Variants in PGM5 observed in about 807,000 individuals in gnomAD.
The protein encoded by PGM5 is phosphoglucomutase-like protein 5.
A neutral mutation model predicts 59.2 loss-of-function variants in PGM5; 23 were observed. That is an observed-to-expected ratio of 0.39 (90% CI 0.28 to 0.55). The LOEUF (loss-of-function observed/expected upper bound fraction) is 0.55, where lower values mean the gene tolerates loss of function less well. Among genes scored for constraint, PGM5 ranks in the 20% least tolerant of loss-of-function variants. The probability of loss-of-function intolerance (pLI) is 0.66; values close to 1 mark genes in which losing one functional copy is unlikely to be tolerated. For synonymous variants in PGM5, 214 were observed against 286.0 expected (o/e 0.75, Z 2.54); for missense variants, 574 against 748.3 (o/e 0.77, Z 2.72).
At chr9:68,472,115 G>C (rs1554686309) in intron 7 of PGM5, among the ~76,000 whole-genome samples, 1 of 152,144 alleles carries the variant, frequency 6.6e-6, no homozygotes, top group East Asian at 1.9e-4. Context: ...CTAAGTGATA[G>C]ACACAATTCC....
At chr9:68,363,381 A>C (rs1338970907) in intron 1 of PGM5, among the ~76,000 whole-genome samples, 4 of 152,308 alleles carry the variant, frequency 2.6e-5, no homozygotes, top group African/African-American at 9.6e-5. Context: ...TAAAATAGAA[A>C]TGCAAATAAC....
chr9:68,361,880 T>A (rs1834586280), intron 1 of PGM5, among the ~76,000 whole-genome samples: 1 of 152,062 alleles, frequency 6.6e-6, no homozygotes, highest in Non-Finnish European at 1.5e-5. Flanking sequence ...TCACATCCCA[T>A]CATTAGTGAT....
intron 8 of PGM5, among the ~76,000 whole-genome samples, chr9:68,481,711 A>G (rs948473886): frequency 6.6e-6 from 1 of 152,242 alleles, no homozygotes; most frequent in Non-Finnish European, 1.5e-5. Context: ...TTACTTCTTC[A>G]TAACAAATAC....
intron 6 of PGM5, among the ~76,000 whole-genome samples, chr9:68,420,353 C>A (rs1276308251): frequency 6.6e-6 from 1 of 151,998 alleles, no homozygotes; most frequent in Non-Finnish European, 1.5e-5. Context: ...GGAAACTGAC[C>A]CCTTTGAATT....
At chr9:68,419,942 C>T (rs943181928) in intron 6 of PGM5, among the ~76,000 whole-genome samples, 1 of 152,118 alleles carries the variant, frequency 6.6e-6, no homozygotes, top group East Asian at 1.9e-4. Flanking sequence ...TTGAATGCTC[C>T]CTACCAAATG....
chr9:68,450,046 C>T (rs144187372), intron 6 of PGM5, among the ~76,000 whole-genome samples: 15 of 152,258 alleles, frequency 9.9e-5, no homozygotes, highest in African/African-American at 3.6e-4. Context: ...ACTCTCATAC[C>T]AGCACCAATG....
intron 6 of PGM5, among the ~76,000 whole-genome samples, chr9:68,404,423 C>A (rs570074858): frequency 1.2e-4 from 19 of 152,286 alleles, no homozygotes; most frequent in African/African-American, 4.6e-4. Context: ...GCTACTGCGC[C>A]CAGCCTAAGT....
rs1823462659 is a variant in PGM5 at position 68,437,730 on chromosome 9, T to C, written c.1044-27363T>C. Among the ~76,000 whole-genome samples the C allele has an allele frequency of 6.6e-6, 1 of 152,178 alleles. No homozygotes were observed. The highest frequency in any genetic ancestry group is 1.9e-4 in the East Asian group (1 of 5,198). On this transcript the variant is annotated intron_variant, in intron 6 of 10. Coordinates refer to ENST00000396396, the MANE Select transcript of PGM5 (RefSeq NM_021965.4). The surrounding 1 kb of genome is among the most constrained non-coding windows in gnomAD (Gnocchi z 4.1). ...CTGCAGTTTTATTTTTGAATTATGT[T>C]GCTAACCTTTAAAAATGGGGATATT... is the stretch of plus-strand genomic sequence containing the variant.
At chr9:68,447,711 T>G (rs1823635745) in intron 6 of PGM5, among the ~76,000 whole-genome samples, 1 of 152,168 alleles carries the variant, frequency 6.6e-6, no homozygotes, top group Non-Finnish European at 1.5e-5. Context: ...ACGCTTTTTA[T>G]AAACAATTTT....
chr9:68,438,766 A>G (rs781852256), intron 6 of PGM5, among the ~76,000 whole-genome samples: 3 of 152,220 alleles, frequency 2.0e-5, no homozygotes, highest in Admixed American at 6.5e-5. Flanking sequence ...AGCAGGCATG[A>G]ATGCAGACAG....
chr9:68,415,826 A>AAC (rs1823019227), intron 6 of PGM5, among the ~76,000 whole-genome samples: 1 of 128,094 alleles, frequency 7.8e-6, no homozygotes, highest in Non-Finnish European at 1.7e-5. Context: ...TTATCTATCT[A>AAC]TCATCTACAC....
chr9:68,361,903 G>T (rs1448380933), intron 1 of PGM5, among the ~76,000 whole-genome samples: 2 of 151,846 alleles, frequency 1.3e-5, no homozygotes, highest in African/African-American at 4.8e-5. Context: ...TGAGATGATC[G>T]CAAGGTTAGG....
intron 6 of PGM5, among the ~76,000 whole-genome samples, chr9:68,416,558 A>G (rs1239264248): frequency 1.3e-4 from 20 of 152,112 alleles, no homozygotes. Context: ...ATTCAAGTTT[A>G]CTCCTGGGGA....
At chr9:68,379,206 T>C (rs1822002561) in intron 2 of PGM5, among the ~76,000 whole-genome samples, 7 of 152,222 alleles carry the variant, frequency 4.6e-5, no homozygotes, top group Admixed American at 4.6e-4. Context: ...ATAGCTGTTT[T>C]ATTCAAATCA....
chr9:68,469,177 G>T (rs544795914), intron 7 of PGM5, among the ~76,000 whole-genome samples: 8 of 152,150 alleles, frequency 5.3e-5, no homozygotes, highest in Non-Finnish European at 1.2e-4. Flanking sequence ...CTTGGCCTCC[G>T]AAAGTGCTGG....
chr9:68,527,447 G>A (rs1157816411), intron 10 of PGM5, among the ~76,000 whole-genome samples: 2 of 152,144 alleles, frequency 1.3e-5, no homozygotes, highest in Non-Finnish European at 2.9e-5. Flanking sequence ...AAAAGGGGGA[G>A]CAGGAAAGAG....
chr9:68,457,611 A>G (rs1294428965), intron 6 of PGM5, among the ~76,000 whole-genome samples: 1 of 152,242 alleles, frequency 6.6e-6, no homozygotes, highest in Non-Finnish European at 1.5e-5. Flanking sequence ...GATTTCTATA[A>G]TACTATCTAA....
chr9:68,483,979 C>G lies in PGM5; in HGVS notation c.1410C>G (p.Val470=), dbSNP rs782741383. 102 of 1,613,984 alleles carry G rather than the reference C, an allele frequency of 6.3e-5. No homozygotes were observed. The highest frequency in any genetic ancestry group is 8.1e-5 in the Non-Finnish European group (96 of 1,180,016). The part of the protein sequence containing the change: ...IGQQFAVGSH[V]YSVAKTDSFE... The stretch of plus-strand genomic sequence containing the variant: ...AGCAGTTTGCTGTGGGGAGCCATGT[C>G]TACAGCGTGGCGAAGACGGATAGTT... Residue 470 remains valine (V), a synonymous_variant, in exon 9 of 11, where the codon GTC becomes GTG. Coordinates refer to ENST00000396396, the MANE Select transcript of PGM5 (RefSeq NM_021965.4).
At chr9:68,430,548 A>G (rs1280641476) in intron 6 of PGM5, among the ~76,000 whole-genome samples, 3 of 152,204 alleles carry the variant, frequency 2.0e-5, no homozygotes, top group Non-Finnish European at 4.4e-5. Context: ...CCTCTTTCCT[A>G]ATTTCATCCT....
Sources: gnomAD v4.1 joint callset for allele counts (sites outside exome capture counted in the v4.1 genomes callset) on GRCh38, gnomAD v4.1.1 for gene constraint, Gnocchi (gnomAD v3.1) non-coding constraint, MANE v1.5 for transcripts, NCBI Gene and HGNC (gene_info 2026-07-23, HGNC 2026-07-21) for gene names.